The following TAFA4 variants were observed in gnomAD, a reference collection of about 807,000 sequenced individuals.
The protein encoded by TAFA4 is TAFA chemokine like family member 4.
TAFA4 carries 20 observed loss-of-function variants against 21.1 expected under a neutral mutation model. The observed-to-expected ratio is 0.95, with a 90% CI of 0.67 to 1.38. The LOEUF (loss-of-function observed/expected upper bound fraction) is 1.38, where lower values mean the gene tolerates loss of function less well. Ranked by LOEUF, TAFA4 falls within the 40% of genes most tolerant of loss-of-function variation. The probability of loss-of-function intolerance (pLI) is 0.00; values close to 1 mark genes in which losing one functional copy is unlikely to be tolerated. For synonymous variants in TAFA4, 71 were observed against 67.4 expected, an observed-to-expected ratio of 1.05 and a Z score of -0.26; for missense variants, 211 against 180.9, an observed-to-expected ratio of 1.17 and a Z score of -0.95.
At chr3:68,809,672 T>C (rs985267152) in intron 3 of TAFA4, among the ~76,000 whole-genome samples, 6 of 151,898 alleles carry the variant, frequency 4.0e-5, no homozygotes, top group African/African-American at 9.7e-5. Context: ...CGTTTTTTCT[T>C]CTAGCAGTTT....
At chr3:68,927,648 C>T (rs965611784) in intron 1 of TAFA4, among the ~76,000 whole-genome samples, 8 of 152,136 alleles carry the variant, frequency 5.3e-5, no homozygotes, top group Admixed American at 5.2e-4. Context: ...CCTGTAGTGT[C>T]AACACTTTGA....
intron 1 of TAFA4, among the ~76,000 whole-genome samples, chr3:68,898,047 G>C (rs1425808949): frequency 2.0e-5 from 3 of 152,178 alleles, no homozygotes; most frequent in Admixed American, 6.5e-5. Context: ...GGAGGAACAA[G>C]GTCCAGGACA....
chr3:68,752,763 C>G, intron 4 of TAFA4, 100 bp downstream of exon 4: 3 of 1,478,578 alleles, frequency 2.0e-6, no homozygotes, highest in Non-Finnish European at 2.8e-6. Flanking sequence ...CTCAAAGCAA[C>G]CCTAGGTTTC....
rs1703367570 is a variant in TAFA4, at chr3:68,791,900, G to GTGGGCCAAACC, written c.131-38893_131-38883dup. The stretch of plus-strand genomic sequence containing the variant: ...TTTCCAGAATCTAAAACACAGCACA[G>GTGGGCCAAACC]TGGGCCAAACCTGGCCCACAGGCCA... On this transcript the variant is annotated intron_variant, in intron 3 of 5. Transcript: ENST00000295569. Among the ~76,000 whole-genome samples the GTGGGCCAAACC allele has an allele frequency of 2.6e-5, 4 of 152,194 alleles. No individual in the cohort carries two copies. In the South Asian group the frequency reaches 8.3e-4, roughly 32 times the overall value.
chr3:68,911,141 C>T lies in TAFA4; in HGVS notation c.-123+21099G>A, dbSNP rs1312426789. ...AACAGCTCGCTGCTGAAAGCAAAGA[C>T]ACTGCTGACGTTTGGGAGGAGAGCA... On this transcript the variant is annotated intron_variant, in intron 1 of 5. Transcript: ENST00000295569. Among the ~76,000 whole-genome samples, 3 of 152,198 alleles carry T rather than the reference C, an allele frequency of 2.0e-5. No individual in the cohort carries two copies. The East Asian group carries it at 5.8e-4, about 29-fold the overall frequency.
At chr3:68,815,905 C>T (rs150740326) in intron 3 of TAFA4, among the ~76,000 whole-genome samples, 2,218 of 152,178 alleles carry the variant, frequency 0.015, 50 homozygotes, top group African/African-American at 0.05. Flanking sequence ...CCAAAGACTT[C>T]GAACCAACCC....
intron 3 of TAFA4, among the ~76,000 whole-genome samples, chr3:68,867,106 G>A (rs756529851): frequency 1.3e-5 from 2 of 151,884 alleles, no homozygotes; most frequent in South Asian, 4.2e-4. Flanking sequence ...TAACCAACCC[G>A]AATAAGACTA....
intron 3 of TAFA4, among the ~76,000 whole-genome samples, chr3:68,842,936 A>T (rs966160936): frequency 3.9e-5 from 6 of 152,164 alleles, no homozygotes; most frequent in African/African-American, 1.4e-4. Flanking sequence ...TGGTTACTGT[A>T]GCCTTGGAGT....
At chr3:68,785,882 C>T (rs1294772099) in intron 3 of TAFA4, among the ~76,000 whole-genome samples, 3 of 152,248 alleles carry the variant, frequency 2.0e-5, no homozygotes, top group Non-Finnish European at 4.4e-5. Flanking sequence ...GTTAAATGCA[C>T]ACCCTCTTTA....
chr3:68,762,401 T>C (rs1459682163), intron 3 of TAFA4, among the ~76,000 whole-genome samples: 1 of 152,112 alleles, frequency 6.6e-6, no homozygotes, highest in East Asian at 1.9e-4. Flanking sequence ...TGTGGGAAAT[T>C]ACAACATATG....
Position 68,843,231 on chromosome 3 carries a change from G to A in TAFA4, c.130+37499C>T, listed in dbSNP as rs920938387. ...TGAGCAGTGGTTTGTAGTTCCCCAT[G>A]AGGACGTCCTTCACATCCCTTGTAA... On this transcript the variant is annotated intron_variant, in intron 3 of 5. Coordinates refer to ENST00000295569, the MANE Select transcript of TAFA4 (RefSeq NM_182522.5). Among the ~76,000 whole-genome samples the A allele has an allele frequency of 2.0e-5, 3 of 152,166 alleles. No homozygotes were observed. The South Asian group carries it at 6.2e-4, about 31-fold the overall frequency.
intron 1 of TAFA4, among the ~76,000 whole-genome samples, chr3:68,902,749 A>G (rs774230605): frequency 1.3e-5 from 2 of 152,114 alleles, no homozygotes; most frequent in African/African-American, 2.4e-5. Flanking sequence ...TTATATGTAT[A>G]TATTTTTGTA....
At chr3:68,898,081 A>T (rs924785202) in intron 1 of TAFA4, among the ~76,000 whole-genome samples, 8 of 152,186 alleles carry the variant, frequency 5.3e-5, no homozygotes, top group Non-Finnish European at 1.2e-4. Flanking sequence ...AGTGAGTGCA[A>T]TCAGGAGAGC....
intron 3 of TAFA4, among the ~76,000 whole-genome samples, chr3:68,835,352 T>C (rs530987048): frequency 6.6e-6 from 1 of 152,302 alleles, no homozygotes; most frequent in Admixed American, 6.5e-5. Flanking sequence ...TAAGAGCTCC[T>C]TGAGGGCAAA....
At chr3:68,802,022 C>A (rs1273515006) in intron 3 of TAFA4, among the ~76,000 whole-genome samples, 6 of 152,142 alleles carry the variant, frequency 3.9e-5, no homozygotes, top group Non-Finnish European at 8.8e-5. Context: ...ATTTTTCTTC[C>A]AAGTAAATGC....
intron 3 of TAFA4, among the ~76,000 whole-genome samples, chr3:68,880,400 A>C (rs940253011): frequency 2.6e-5 from 4 of 151,538 alleles, no homozygotes; most frequent in African/African-American, 9.7e-5. Flanking sequence ...GGATGGATGG[A>C]TGGGCAGATG....
chr3:68,906,610 C>T (rs1341514189), intron 1 of TAFA4, among the ~76,000 whole-genome samples: 1 of 152,144 alleles, frequency 6.6e-6, no homozygotes, highest in Non-Finnish European at 1.5e-5. Flanking sequence ...CTCTTATCAA[C>T]AGCTCTAGGA....
In TAFA4 at chr3:68,802,749, G is replaced by A. The variant is rs143603879; in HGVS notation, c.131-49731C>T. ...ATAGAGAAATGAGAATCTTTCCACCGCACAGTAACATTTCTAAGCATAGAA... is the reference window on the plus strand; with the variant it reads ...ATAGAGAAATGAGAATCTTTCCACCACACAGTAACATTTCTAAGCATAGAA... On this transcript the variant is annotated intron_variant, in intron 3 of 5. Coordinates refer to ENST00000295569, the MANE Select transcript of TAFA4 (RefSeq NM_182522.5). 6.0e-3 allele frequency among the ~76,000 whole-genome samples: 915 copies of A among 152,198 alleles called. 4 individuals are homozygous for A. The highest frequency in any genetic ancestry group is 0.014 in the Middle Eastern group (4 of 294).
At chr3:68,776,443 A>C (rs1263563968) in intron 3 of TAFA4, among the ~76,000 whole-genome samples, 2 of 152,212 alleles carry the variant, frequency 1.3e-5, no homozygotes, top group African/African-American at 4.8e-5. Context: ...CATTATAACA[A>C]AAGGGTCAGT....
Sources: gnomAD v4.1 joint callset for allele counts (sites outside exome capture counted in the v4.1 genomes callset) on GRCh38, gnomAD v4.1.1 for gene constraint, MANE v1.5 for transcripts, NCBI Gene and HGNC (gene_info 2026-07-23, HGNC 2026-07-21) for gene names.